SDK1: variants seen among roughly 807,000 people sequenced by gnomAD.
SDK1 encodes protein sidekick-1.
In SDK1, 157 loss-of-function variants were observed where a neutral mutation model predicts 245.5. The ratio of observed to expected loss-of-function variants is 0.64; its 90% CI spans 0.56 to 0.73. The LOEUF (loss-of-function observed/expected upper bound fraction) is 0.73. Among genes scored for constraint, SDK1 ranks in the 30% least tolerant of loss-of-function variants. The pLI, the probability that SDK1 is intolerant of heterozygous loss-of-function variation, is 0.00. For synonymous variants in SDK1, 1,647 were observed against 1,278.5 expected, an observed-to-expected ratio of 1.29 and a Z score of -6.15; for missense variants, 3,583 against 3,002.3, an observed-to-expected ratio of 1.19 and a Z score of -4.52.
chr7:3,843,199 G>T (rs575624463), intron 5 of SDK1, among the ~76,000 whole-genome samples: 1 of 152,126 alleles, frequency 6.6e-6, no homozygotes, highest in Non-Finnish European at 1.5e-5. Context: ...ATGAAGCCTC[G>T]TGGTAACTCA....
At chr7:3,875,816 C>T (rs1781062162) in intron 5 of SDK1, among the ~76,000 whole-genome samples, 1 of 152,132 alleles carries the variant, frequency 6.6e-6, no homozygotes, top group Non-Finnish European at 1.5e-5. Context: ...CCCCTATATC[C>T]TTGGGAATCT....
At chr7:3,771,636 C>T (rs545758635) in intron 4 of SDK1, among the ~76,000 whole-genome samples, 40 of 152,072 alleles carry the variant, frequency 2.6e-4, no homozygotes, top group Non-Finnish European at 4.9e-4. Context: ...TATGCTTTGT[C>T]TTCTCAGAAA....
At chr7:3,859,662 A>G (rs1417238080) in intron 5 of SDK1, among the ~76,000 whole-genome samples, 3 of 152,132 alleles carry the variant, frequency 2.0e-5, no homozygotes, top group Non-Finnish European at 4.4e-5. Flanking sequence ...TTTGTCTTAT[A>G]AGGCCAACTT....
intron 1 of SDK1, among the ~76,000 whole-genome samples, chr7:3,524,040 C>T (rs970661725): frequency 5.3e-5 from 8 of 152,140 alleles, no homozygotes; most frequent in African/African-American, 1.7e-4. Context: ...AGCTCATTAG[C>T]TTCATTGACA....
chr7:4,053,004 T>C (rs1196965310), intron 19 of SDK1, among the ~76,000 whole-genome samples: 1 of 150,672 alleles, frequency 6.6e-6, no homozygotes, highest in Non-Finnish European at 1.5e-5. Context: ...GGAGAATCAC[T>C]TGAACCCAGG....
intron 2 of SDK1, among the ~76,000 whole-genome samples, chr7:3,631,370 C>T (rs1303825131): frequency 2.0e-5 from 3 of 152,156 alleles, no homozygotes; most frequent in African/African-American, 7.2e-5. Flanking sequence ...GTGTGTAACT[C>T]CCATCTACAT....
At chr7:3,915,396 G>A (rs570423775) in intron 5 of SDK1, among the ~76,000 whole-genome samples, 6 of 152,194 alleles carry the variant, frequency 3.9e-5, no homozygotes, top group Admixed American at 6.5e-5. Context: ...GGAGGGACCC[G>A]TGGGGAGGTA....
intron 44 of SDK1, among the ~76,000 whole-genome samples, chr7:4,247,496 CTG>C (rs1786962277): frequency 1.3e-5 from 2 of 152,358 alleles, no homozygotes; most frequent in African/African-American, 4.8e-5. Context: ...CAGAAGCTCG[CTG>C]CATGTACGAA....
intron 4 of SDK1, among the ~76,000 whole-genome samples, chr7:3,654,856 C>G (rs1034243836): frequency 4.6e-5 from 7 of 152,162 alleles, no homozygotes; most frequent in African/African-American, 1.7e-4. Context: ...TTCACATGAG[C>G]ATATCTTGTG....
At chr7:3,374,855 CT>C (rs1305639436) in intron 1 of SDK1, among the ~76,000 whole-genome samples, 1 of 152,064 alleles carries the variant, frequency 6.6e-6, no homozygotes, top group African/African-American at 2.4e-5. Context: ...AGATTGTATG[CT>C]TTTTTTCCCA....
chr7:3,881,152 C>T (rs1007175435), intron 5 of SDK1, among the ~76,000 whole-genome samples: 9 of 151,908 alleles, frequency 5.9e-5, no homozygotes, highest in East Asian at 1.9e-4. Context: ...AGGTTTGTTA[C>T]GCAGGTAAAC....
chr7:3,350,412 A>G (rs77032951), intron 1 of SDK1, among the ~76,000 whole-genome samples: 2,988 of 152,322 alleles, frequency 0.02, 94 homozygotes, highest in African/African-American at 0.061. Flanking sequence ...AAATTTACTC[A>G]GCACATAACT....
At chr7:4,164,638 T>C (rs1286315594) in intron 32 of SDK1, among the ~76,000 whole-genome samples, 1 of 152,196 alleles carries the variant, frequency 6.6e-6, no homozygotes, top group Non-Finnish European at 1.5e-5. Context: ...TCCTTTCCTA[T>C]AAAGGCAGTG....
At chr7:4,189,076 T>C (rs1028603587) in intron 35 of SDK1, among the ~76,000 whole-genome samples, 3 of 152,162 alleles carry the variant, frequency 2.0e-5, no homozygotes, top group African/African-American at 7.2e-5. Flanking sequence ...CAAATGCTCC[T>C]GGGATTTTGA....
intron 9 of SDK1, 65 bp downstream of exon 9, chr7:3,962,916 G>C: frequency 2.3e-6 from 2 of 872,292 alleles, no homozygotes; most frequent in Non-Finnish European, 3.1e-6. Context: ...TCAGCCCCAT[G>C]GCTACCTGGA....
intron 4 of SDK1, among the ~76,000 whole-genome samples, chr7:3,661,569 C>G (rs914615153): frequency 6.6e-6 from 1 of 152,104 alleles, no homozygotes; most frequent in Admixed American, 6.5e-5. Context: ...TTGTGGCTAT[C>G]ATTGAATTTT....
rs756595411 is a variant in SDK1, at chr7:4,077,142, G to C, written c.3155G>C (p.Gly1052Ala). 6.2e-7 allele frequency: 1 copy of C among 1,614,230 alleles called. No homozygotes were observed. Among genetic ancestry groups the C allele is most frequent in the African/African-American group, 1.3e-5 (1 of 75,072 alleles). The change falls in exon 21 of 45, where the codon GGC becomes GCC. Residue 1052 changes from glycine to alanine, a missense_variant. Coordinates refer to ENST00000404826, the MANE Select transcript of SDK1 (RefSeq NM_152744.4). ...TIDVAAVTAV[G>A]TGLVTSSTIS... ...GACGTGGCCGCTGTGACTGCCGTGG[G>C]CACTGGCCTGGTGACTTCATCCACC...
intron 1 of SDK1, among the ~76,000 whole-genome samples, chr7:3,340,925 C>T (rs1473229862): frequency 1.3e-5 from 2 of 151,858 alleles, no homozygotes; most frequent in Non-Finnish European, 2.9e-5. Context: ...GACAATTTAC[C>T]AACATTTAAA....
At chr7:3,736,148 A>T (rs1483808343) in intron 4 of SDK1, among the ~76,000 whole-genome samples, 2 of 151,916 alleles carry the variant, frequency 1.3e-5, no homozygotes, top group Non-Finnish European at 2.9e-5. Flanking sequence ...TTGCATTTTG[A>T]CCCTGTTAGT....
Sources: gnomAD v4.1 joint callset for allele counts (sites outside exome capture counted in the v4.1 genomes callset) on GRCh38, gnomAD v4.1.1 for gene constraint, MANE v1.5 for transcripts, NCBI Gene and HGNC (gene_info 2026-07-23, HGNC 2026-07-21) for gene names.